NRG3: variants seen among roughly 807,000 people sequenced by gnomAD.
NRG3 encodes the protein neuregulin 3.
NRG3 carries 31 observed loss-of-function variants against 66.9 expected under a neutral mutation model. The ratio of observed to expected loss-of-function variants is 0.46; its 90% CI spans 0.35 to 0.63. NRG3 has a LOEUF of 0.63. Ranked by LOEUF, NRG3 falls within the 20% of genes least tolerant of loss-of-function variation. NRG3 has a pLI of 0.00. For missense variants in NRG3, 910 were observed against 878.9 expected (o/e 1.04, Z -0.45); for synonymous variants, 393 against 359.4 (o/e 1.09, Z -1.06).
chr10:82,655,985 T>C (rs1457886194), intron 2 of NRG3, among the ~76,000 whole-genome samples: 1 of 152,136 alleles, frequency 6.6e-6, no homozygotes, highest in Non-Finnish European at 1.5e-5. Flanking sequence ...ATTTTTAACC[T>C]AAAGAAAAGG....
chr10:82,166,551 C>A (rs574817472), intron 1 of NRG3, among the ~76,000 whole-genome samples: 42 of 151,580 alleles, frequency 2.8e-4, no homozygotes, highest in African/African-American at 8.9e-4. Flanking sequence ...TCACTTTTGC[C>A]CATATTATAA....
intron 2 of NRG3, among the ~76,000 whole-genome samples, chr10:82,714,061 T>C (rs2056832372): frequency 6.6e-6 from 1 of 152,238 alleles, no homozygotes; most frequent in Non-Finnish European, 1.5e-5. Context: ...TGTATCACCT[T>C]TAACTTATGA....
intron 1 of NRG3, among the ~76,000 whole-genome samples, chr10:82,079,722 C>T (rs1370215429): frequency 1.3e-5 from 2 of 152,074 alleles, no homozygotes; most frequent in East Asian, 1.9e-4. Flanking sequence ...TTCTACAGTA[C>T]CTAGAGTTTT....
chr10:82,109,575 GTGTATA>G (rs768111506), intron 1 of NRG3, among the ~76,000 whole-genome samples: 218 of 118,650 alleles, frequency 1.8e-3, no homozygotes, highest in Middle Eastern at 8.4e-3. Context: ...GTGTGTGTGT[GTGTATA>G]TATATATTTT....
chr10:82,186,095 G>C (rs187568233), intron 1 of NRG3, among the ~76,000 whole-genome samples: 15 of 152,230 alleles, frequency 9.9e-5, no homozygotes, highest in Admixed American at 2.0e-4. Context: ...AATTGTTTTA[G>C]TGAATAACTG....
chr10:82,417,748 C>T (rs1355385206), intron 2 of NRG3, among the ~76,000 whole-genome samples: 1 of 152,164 alleles, frequency 6.6e-6, no homozygotes, highest in African/African-American at 2.4e-5. Flanking sequence ...TCCAGGTTTC[C>T]TGCTTATTAT....
intron 2 of NRG3, among the ~76,000 whole-genome samples, chr10:82,445,276 C>T (rs1241027260): frequency 6.6e-6 from 1 of 152,124 alleles, no homozygotes; most frequent in African/African-American, 2.4e-5. Flanking sequence ...CCCAAGTACC[C>T]ACAAGGACAT....
intron 2 of NRG3, among the ~76,000 whole-genome samples, chr10:82,696,387 T>C (rs1245740241): frequency 6.6e-6 from 1 of 152,048 alleles, no homozygotes; most frequent in Non-Finnish European, 1.5e-5. Context: ...TTGTAGTTTA[T>C]AATTACAGGA....
intron 1 of NRG3, among the ~76,000 whole-genome samples, chr10:82,173,907 T>C (rs1191326253): frequency 6.6e-6 from 1 of 152,168 alleles, no homozygotes; most frequent in African/African-American, 2.4e-5. Flanking sequence ...ATTTATTTGC[T>C]TCAAGACTCT....
chr10:82,682,394 T>G (rs1045883440), intron 2 of NRG3, among the ~76,000 whole-genome samples: 1 of 133,162 alleles, frequency 7.5e-6, no homozygotes, highest in Non-Finnish European at 1.6e-5. Context: ...AGATAGTAGA[T>G]AGACAGATAG....
intron 3 of NRG3, among the ~76,000 whole-genome samples, chr10:82,779,361 T>C (rs1422895887): frequency 6.6e-6 from 1 of 152,166 alleles, no homozygotes; most frequent in Non-Finnish European, 1.5e-5. Context: ...GAGTCAAGGC[T>C]TTCTCGTCTT....
At chr10:82,512,882 A>T (rs920448128) in intron 2 of NRG3, among the ~76,000 whole-genome samples, 1 of 152,200 alleles carries the variant, frequency 6.6e-6, no homozygotes, top group African/African-American at 2.4e-5. Flanking sequence ...ATTCACAAAG[A>T]TACCAATAAT....
intron 1 of NRG3, among the ~76,000 whole-genome samples, chr10:82,111,108 T>A (rs1404223950): frequency 2.0e-5 from 3 of 152,156 alleles, no homozygotes; most frequent in African/African-American, 7.2e-5. Context: ...TTTGAAAACA[T>A]GTTCCCACAT....
intron 2 of NRG3, among the ~76,000 whole-genome samples, chr10:82,686,375 A>G (rs1016894888): frequency 6.6e-6 from 1 of 151,820 alleles, no homozygotes; most frequent in South Asian, 2.1e-4. Context: ...TTTAGTAGAG[A>G]TGGGGTTTTG....
intron 1 of NRG3, among the ~76,000 whole-genome samples, chr10:81,928,022 C>T (rs1846978792): frequency 1.3e-5 from 2 of 152,120 alleles, no homozygotes; most frequent in Admixed American, 1.3e-4. Context: ...TCATAGTTGT[C>T]ACCAAATCAA....
intron 3 of NRG3, among the ~76,000 whole-genome samples, chr10:82,748,170 G>T (rs1372816171): frequency 6.6e-6 from 1 of 151,602 alleles, no homozygotes; most frequent in East Asian, 1.9e-4. Flanking sequence ...CATTTGGTAA[G>T]ATTATTTCCT....
intron 1 of NRG3, among the ~76,000 whole-genome samples, chr10:81,881,766 G>GT (rs1476021304): frequency 6.6e-6 from 1 of 151,890 alleles, no homozygotes; most frequent in Non-Finnish European, 1.5e-5. Flanking sequence ...CTTTTTCTAA[G>GT]TATGTGTCTA....
Position 82,985,078 on chromosome 10 carries a change from A to C in NRG3, c.1584-20A>C, listed in dbSNP as rs1853319446. 6.2e-7 allele frequency: 1 copy of C among 1,608,996 alleles called. No homozygotes were observed. Among genetic ancestry groups the C allele is most frequent in the Admixed American group, 1.7e-5 (1 of 59,538 alleles). On this transcript the variant is annotated intron_variant, in intron 8 of 8. Coordinates refer to ENST00000372141, the MANE Select transcript of NRG3 (RefSeq NM_001010848.4). ...AGCCTGGTAGAAAGCAGAAGGAGTA[A>C]CACTGTGTTTCTTTTTCAGGTATTC...
At chr10:82,576,327 C>T (rs570359567) in intron 2 of NRG3, among the ~76,000 whole-genome samples, 4 of 151,474 alleles carry the variant, frequency 2.6e-5, no homozygotes, top group Non-Finnish European at 5.9e-5. Flanking sequence ...CCCCCATGTA[C>T]TTCTTTTCCC....
Sources: gnomAD v4.1 joint callset for allele counts (sites outside exome capture counted in the v4.1 genomes callset) on GRCh38, gnomAD v4.1.1 for gene constraint, MANE v1.5 for transcripts, NCBI Gene and HGNC (gene_info 2026-07-23, HGNC 2026-07-21) for gene names.